PEPD: variants seen among roughly 807,000 people sequenced by gnomAD.
PEPD encodes the protein peptidase D.
PEPD carries 53 observed loss-of-function variants against 60.7 expected under a neutral mutation model. That is an observed-to-expected ratio of 0.87 (90% CI 0.70 to 1.10). The LOEUF is 1.10. Among genes scored for constraint, PEPD ranks in the 50% least tolerant of loss-of-function variants. PEPD has a pLI of 0.00. For synonymous variants in PEPD, 267 were observed against 284.1 expected (o/e 0.94, Z 0.60); for missense variants, 711 against 711.9 (o/e 1.00, Z 0.01).
chr19:33,479,766 G>A (rs1481172185), intron 6 of PEPD, among the ~76,000 whole-genome samples: 1 of 152,076 alleles, frequency 6.6e-6, no homozygotes, highest in African/African-American at 2.4e-5. Flanking sequence ...CTTTTTTATG[G>A]TTGCATAGTA....
At chr19:33,480,373 A>G (rs975023888) in intron 6 of PEPD, among the ~76,000 whole-genome samples, 90 of 152,378 alleles carry the variant, frequency 5.9e-4, no homozygotes, top group African/African-American at 2.1e-3. Flanking sequence ...ATATATGCAC[A>G]TAACAGAGCC....
chr19:33,389,550 C>T (rs922440832), intron 13 of PEPD, among the ~76,000 whole-genome samples: 2 of 152,142 alleles, frequency 1.3e-5, no homozygotes, highest in African/African-American at 2.4e-5. Flanking sequence ...CTGAAGTGTC[C>T]GTCCCTGTCT....
At chr19:33,442,044 G>A (rs1171858674) in intron 9 of PEPD, among the ~76,000 whole-genome samples, 2 of 152,224 alleles carry the variant, frequency 1.3e-5, no homozygotes, top group Admixed American at 1.3e-4. Context: ...CCACTAGCTT[G>A]TGGTGTGATC....
intron 3 of PEPD, among the ~76,000 whole-genome samples, chr19:33,501,453 G>A (rs1970712146): frequency 6.6e-6 from 1 of 152,150 alleles, no homozygotes; most frequent in South Asian, 2.1e-4. Context: ...GGCCAAGGCA[G>A]ACAGATCACA....
rs1357753588 is a variant in PEPD, at chr19:33,515,823, G to A, written c.18-3047C>T. Among the ~76,000 whole-genome samples the A allele has an allele frequency of 2.0e-5, 3 of 152,130 alleles. No individual in the cohort carries two copies. The East Asian group carries it at 5.8e-4, about 29-fold the overall frequency. On this transcript the variant is annotated intron_variant, in intron 1 of 14. Transcript: ENST00000244137. ...ACACTCCTTAATCATAACAGGTGCTGGCTCCCCATGGCCTGACACCATGCC... is the reference window on the plus strand; with the variant it reads ...ACACTCCTTAATCATAACAGGTGCTAGCTCCCCATGGCCTGACACCATGCC...
intron 9 of PEPD, among the ~76,000 whole-genome samples, chr19:33,448,121 G>A (rs1196067395): frequency 6.6e-6 from 1 of 152,308 alleles, no homozygotes; most frequent in Non-Finnish European, 1.5e-5. Flanking sequence ...AAAACTCACG[G>A]CCCGGAATAA....
intron 9 of PEPD, among the ~76,000 whole-genome samples, chr19:33,418,905 T>A (rs1182150145): frequency 6.6e-6 from 1 of 152,124 alleles, no homozygotes; most frequent in African/African-American, 2.4e-5. Context: ...AAATGCATGA[T>A]TAATAAAACT....
chr19:33,398,977 G>A (rs1225253724), intron 12 of PEPD, among the ~76,000 whole-genome samples: 1 of 152,122 alleles, frequency 6.6e-6, no homozygotes, highest in African/African-American at 2.4e-5. Context: ...ACTCAGGGGT[G>A]GCAGCTCCTT....
intron 4 of PEPD, among the ~76,000 whole-genome samples, chr19:33,495,185 G>A (rs1970578677): frequency 1.3e-5 from 2 of 151,966 alleles, no homozygotes; most frequent in South Asian, 4.2e-4. Context: ...ACGCTGTGAT[G>A]AACATCCTCG....
chr19:33,400,490 G>A (rs963040242), intron 12 of PEPD, among the ~76,000 whole-genome samples: 1 of 152,256 alleles, frequency 6.6e-6, no homozygotes, highest in South Asian at 2.1e-4. Context: ...GCCTTGGGGG[G>A]CCAGCTGTGC....
chr19:33,413,738 T>C (rs561101834), intron 9 of PEPD, 95 bp from the exon 10 acceptor site: 84 of 752,584 alleles, frequency 1.1e-4, no homozygotes, highest in Non-Finnish European at 1.5e-4. Context: ...CCTCGGCCCA[T>C]GGTCTCCCCT....
intron 9 of PEPD, among the ~76,000 whole-genome samples, chr19:33,418,226 G>T (rs1283567287): frequency 6.6e-6 from 1 of 152,210 alleles, no homozygotes; most frequent in Non-Finnish European, 1.5e-5. Flanking sequence ...TTTATTTTAA[G>T]TAATTGCTGC....
chr19:33,484,416 T>C (rs1001416410), intron 6 of PEPD, among the ~76,000 whole-genome samples: 1 of 150,680 alleles, frequency 6.6e-6, no homozygotes, highest in African/African-American at 2.4e-5. Context: ...CAGCACAGAG[T>C]GACTCAGCAC....
chr19:33,457,835 A>C (rs1224286018), intron 9 of PEPD, among the ~76,000 whole-genome samples: 1 of 147,502 alleles, frequency 6.8e-6, no homozygotes, highest in African/African-American at 2.6e-5. Context: ...GTCTTAAAAC[A>C]AGAAAACAAA....
intron 4 of PEPD, among the ~76,000 whole-genome samples, chr19:33,499,381 C>T (rs899031288): frequency 6.6e-6 from 1 of 152,168 alleles, no homozygotes; most frequent in Admixed American, 6.5e-5. Flanking sequence ...GGATCTCTGC[C>T]CAGGCACCAC....
intron 7 of PEPD, among the ~76,000 whole-genome samples, chr19:33,466,609 T>C (rs1176602092): frequency 1.3e-5 from 2 of 152,052 alleles, no homozygotes; most frequent in Non-Finnish European, 2.9e-5. Context: ...TTTCAGTATC[T>C]GGGGGGAAAA....
chr19:33,388,136 C>A (rs1208835162), intron 13 of PEPD, 55 bp from the exon 14 acceptor site: 2 of 1,445,854 alleles, frequency 1.4e-6, no homozygotes, highest in African/African-American at 1.4e-5. Context: ...TCACCGTGGC[C>A]TCATCAGGAG....
intron 3 of PEPD, among the ~76,000 whole-genome samples, chr19:33,506,269 TCA>T (rs1054676930): frequency 6.0e-5 from 7 of 116,980 alleles, no homozygotes; most frequent in African/African-American, 2.4e-4. Context: ...CTACACCCCA[TCA>T]CAAAAACCCT....
At chr19:33,439,790 C>T (rs1392605092) in intron 9 of PEPD, among the ~76,000 whole-genome samples, 1 of 152,330 alleles carries the variant, frequency 6.6e-6, no homozygotes, top group East Asian at 1.9e-4. Context: ...AATGAGATCA[C>T]AACCTACAGG....
Sources: allele counts gnomAD v4.1 joint callset (sites outside exome capture counted in the v4.1 genomes callset), GRCh38; gene constraint gnomAD v4.1.1; transcripts MANE v1.5; gene names NCBI Gene and HGNC (gene_info 2026-07-23, HGNC 2026-07-21).